ARHGAP39: variants seen among roughly 807,000 people sequenced by gnomAD.
The protein encoded by ARHGAP39 is rho GTPase-activating protein 39.
ARHGAP39 carries 44 observed loss-of-function variants against 106.9 expected under a neutral mutation model. That is an observed-to-expected ratio of 0.41 (90% confidence interval 0.32 to 0.53). The LOEUF (loss-of-function observed/expected upper bound fraction) is 0.53, where lower values mean the gene tolerates loss of function less well. ARHGAP39 is among the 20% of genes least tolerant of loss of function. The pLI, the probability that ARHGAP39 is intolerant of heterozygous loss-of-function variation, is 0.21. For synonymous variants in ARHGAP39, 768 were observed against 693.2 expected (o/e 1.11, Z -1.69); for missense variants, 1,496 against 1,577.3 (o/e 0.95, Z 0.87).
chr8:144,623,533 T>A (rs1820857842), intron 1 of ARHGAP39, among the ~76,000 whole-genome samples: 1 of 152,262 alleles, frequency 6.6e-6, no homozygotes, highest in African/African-American at 2.4e-5. Flanking sequence ...CTTCCGCGAC[T>A]GGCGAGGCGA....
rs113218161 is a variant in ARHGAP39 at position 144,591,098 on chromosome 8, C to A, written c.81-9821G>T. On this transcript the variant is annotated intron_variant, in intron 2 of 11. Transcript: ENST00000377307. The surrounding 1 kb of genome is among the most constrained non-coding windows in gnomAD (Gnocchi z 5.3). ...GCCTGGCCGGTCTCTGTCACCTTTG[C>A]TTCCATGACCTCCTGGAGCCGGGTG... Among the ~76,000 whole-genome samples the A allele has an allele frequency of 0.031, 4,667 of 152,304 alleles. 239 individuals are homozygous for A. Among genetic ancestry groups the A allele is most frequent in the African/African-American group, 0.11 (4,396 of 41,548 alleles).
At chr8:144,680,773 A>C (rs979995057) in intron 1 of ARHGAP39, among the ~76,000 whole-genome samples, 1 of 152,216 alleles carries the variant, frequency 6.6e-6, no homozygotes, top group Non-Finnish European at 1.5e-5. Context: ...ATTCCACCCA[A>C]TGGATCATAA....
At chr8:144,600,942 ATG>A (rs1203901403) in intron 2 of ARHGAP39, among the ~76,000 whole-genome samples, 2 of 112,920 alleles carry the variant, frequency 1.8e-5, no homozygotes, top group Admixed American at 9.4e-5. Context: ...GTGTGGAGGC[ATG>A]TGTGTGCTCG....
intron 1 of ARHGAP39, among the ~76,000 whole-genome samples, chr8:144,667,464 CAT>C (rs902505861): frequency 2.6e-5 from 4 of 152,328 alleles, no homozygotes; most frequent in African/African-American, 9.6e-5. Context: ...GCAGATGTCA[CAT>C]GTCACGTGTC....
intron 1 of ARHGAP39, among the ~76,000 whole-genome samples, chr8:144,620,708 G>A (rs1029117888): frequency 2.0e-5 from 3 of 152,212 alleles, no homozygotes; most frequent in Admixed American, 6.5e-5. Context: ...GGTCCAGACC[G>A]CCCTCTCTGA....
At chr8:144,595,063 C>T (rs892877407) in intron 2 of ARHGAP39, among the ~76,000 whole-genome samples, 1 of 152,208 alleles carries the variant, frequency 6.6e-6, no homozygotes, top group Non-Finnish European at 1.5e-5. Flanking sequence ...CACAGAGTTA[C>T]CACCTGACCC....
chr8:144,537,518 G>A (rs1360233572), intron 7 of ARHGAP39, among the ~76,000 whole-genome samples: 2 of 152,278 alleles, frequency 1.3e-5, no homozygotes, highest in East Asian at 3.9e-4. Flanking sequence ...ACACCACAAA[G>A]ACACGTGTGG....
At chr8:144,598,364 T>A (rs1819710039) in intron 2 of ARHGAP39, among the ~76,000 whole-genome samples, 1 of 151,986 alleles carries the variant, frequency 6.6e-6, no homozygotes, top group South Asian at 2.1e-4. Context: ...AGTGGAGGGA[T>A]ACCAAGGTGC....
intron 2 of ARHGAP39, among the ~76,000 whole-genome samples, chr8:144,601,847 G>A (rs1478344848): frequency 2.7e-5 from 4 of 145,516 alleles, no homozygotes; most frequent in Admixed American, 6.9e-5. Context: ...CTGTGTGCAT[G>A]TGCGTAGAGG....
intron 1 of ARHGAP39, among the ~76,000 whole-genome samples, chr8:144,629,577 C>T (rs1821011441): frequency 6.6e-6 from 1 of 152,204 alleles, no homozygotes; most frequent in African/African-American, 2.4e-5. Flanking sequence ...TGGAGACAAA[C>T]CTGAAAGACA....
chr8:144,608,921 T>C (rs1297195866), intron 1 of ARHGAP39, among the ~76,000 whole-genome samples: 1 of 152,258 alleles, frequency 6.6e-6, no homozygotes, highest in Non-Finnish European at 1.5e-5. Flanking sequence ...CTTGTAACCT[T>C]GATAAACTCA....
chr8:144,543,474 T>C (rs1477121765), intron 6 of ARHGAP39, among the ~76,000 whole-genome samples: 1 of 152,014 alleles, frequency 6.6e-6, no homozygotes. Flanking sequence ...GGAGATGAGG[T>C]TCTGGCTGTG....
intron 6 of ARHGAP39, among the ~76,000 whole-genome samples, chr8:144,541,415 T>C (rs1316643437): frequency 6.6e-6 from 1 of 152,248 alleles, no homozygotes; most frequent in African/African-American, 2.4e-5. Context: ...ACTTTAACCA[T>C]TTAAAAACAG....
intron 1 of ARHGAP39, chr8:144,683,225 G>C (rs1419432900): frequency 6.6e-6 from 1 of 151,306 alleles, no homozygotes; most frequent in African/African-American, 2.4e-5. Flanking sequence ...TGAGGCAGGA[G>C]AATGGCATGA....
At chr8:144,649,323 G>A (rs182872727) in intron 1 of ARHGAP39, among the ~76,000 whole-genome samples, 173 of 152,162 alleles carry the variant, frequency 1.1e-3, no homozygotes, top group African/African-American at 3.5e-3. Flanking sequence ...GGTGGCGGGC[G>A]CCTGTAGTCC....
At chr8:144,588,144 G>A (rs537495927) in intron 2 of ARHGAP39, among the ~76,000 whole-genome samples, 19 of 152,358 alleles carry the variant, frequency 1.2e-4, no homozygotes, top group Admixed American at 9.1e-4. Flanking sequence ...GCCAGGTGCC[G>A]GTTGACAGCA....
chr8:144,697,585 T>C, the ARHGAP39 span, among the ~76,000 whole-genome samples: 3 of 152,064 alleles, frequency 2.0e-5, no homozygotes, highest in African/African-American at 7.2e-5. Context: ...AATGGCGTGA[T>C]CTCAGCTCAC....
chr8:144,684,747 G>A lies in ARHGAP39; in HGVS notation c.-82+939C>T, dbSNP rs1822532689. Among the ~76,000 whole-genome samples, 1 of 152,224 alleles carries A rather than the reference G, an allele frequency of 6.6e-6. No homozygotes were observed. The highest frequency in any genetic ancestry group is 2.1e-4 in the South Asian group (1 of 4,832). ...CCAGCAACTGGGAAGCAACCGGGAA[G>A]CAACCGAGGGAATTCCAGCTCGGGG... On this transcript the variant is annotated intron_variant, in intron 1 of 11. Coordinates refer to ENST00000377307, the MANE Select transcript of ARHGAP39 (RefSeq NM_025251.3). This position sits in a 1 kb window ranked among gnomAD's most constrained non-coding sequence, Gnocchi z 4.4.
At chr8:144,574,473 A>G (rs868700829) in intron 3 of ARHGAP39, among the ~76,000 whole-genome samples, 5 of 152,156 alleles carry the variant, frequency 3.3e-5, no homozygotes, top group African/African-American at 4.8e-5. Context: ...GATCGAGACC[A>G]TCCTGGCTAA....
Sources: gnomAD v4.1 joint callset for allele counts (sites outside exome capture counted in the v4.1 genomes callset) on GRCh38, gnomAD v4.1.1 for gene constraint, Gnocchi (gnomAD v3.1) non-coding constraint, MANE v1.5 for transcripts, NCBI Gene and HGNC (gene_info 2026-07-23, HGNC 2026-07-21) for gene names.